The following EIF4G1 variants were observed in gnomAD, a reference collection of about 807,000 sequenced individuals.
The protein encoded by EIF4G1 is eukaryotic translation initiation factor 4 gamma 1, also known as EIF4-gamma.
Under a neutral mutation model 187.8 loss-of-function variants are expected in EIF4G1, and 4 were observed. The ratio of observed to expected loss-of-function variants is 0.02; its 90% CI spans 0.01 to 0.05. EIF4G1 has a LOEUF of 0.05. Among genes scored for constraint, EIF4G1 ranks in the 10% least tolerant of loss-of-function variants. EIF4G1 has a pLI of 1.00. For missense variants in EIF4G1, 1,647 were observed against 2,081.1 expected, an observed-to-expected ratio of 0.79 and a Z score of 4.06; for synonymous variants, 844 against 781.4, an observed-to-expected ratio of 1.08 and a Z score of -1.34.
chr3:184,315,971 T>C, intron 3 of EIF4G1, 115 bp downstream of exon 3: 1 of 1,513,318 alleles, frequency 6.6e-7, no homozygotes, highest in African/African-American at 1.4e-5. Flanking sequence ...TGCTGCCAAA[T>C]TGAGACAGGG....
intron 27 of EIF4G1, 48 bp downstream of exon 27, chr3:184,328,804 G>T (rs1410258203): frequency 1.2e-6 from 2 of 1,614,032 alleles, no homozygotes; most frequent in African/African-American, 2.7e-5. Context: ...CCAGAGGAAA[G>T]GTGGTAGGGA....
chr3:184,324,401 C>T (rs1724459263), intron 17 of EIF4G1, 54 bp downstream of exon 17: 1 of 1,612,148 alleles, frequency 6.2e-7, no homozygotes, highest in Non-Finnish European at 8.5e-7. Context: ...TTCCCTTACC[C>T]AGATGCTACT....
At chr3:184,318,299 A>C (rs1051056066) in intron 6 of EIF4G1, among the ~76,000 whole-genome samples, 4 of 152,250 alleles carry the variant, frequency 2.6e-5, no homozygotes. Context: ...AAACAAATAC[A>C]CTTGTGCTTG....
chr3:184,331,758 A>G lies in EIF4G1; in HGVS notation c.4426A>G (p.Asn1476Asp), dbSNP rs1250352569. Residue 1476 changes from asparagine to aspartate, a missense_variant, in exon 31 of 33, where the codon AAC (asparagine) becomes GAC (aspartate). Asn to Asp is a conservative substitution (Grantham distance 23, BLOSUM62 1). This residue lies in a region of EIF4G1 where 543 missense variants were observed against 638.0 expected (regional missense o/e 0.85). Transcript: ENST00000346169. ...ANLSEQQIVS[N>D]TLVRALMTAV... ...CCTGAGTGAGCAGCAGATAGTATCCAACACGTTAGTTCGAGCCCTCATGAC... is the reference window on the plus strand; with the variant it reads ...CCTGAGTGAGCAGCAGATAGTATCCGACACGTTAGTTCGAGCCCTCATGAC... The G allele has an allele frequency of 1.2e-6, 2 of 1,614,216 alleles. No individual in the cohort carries two copies. Among genetic ancestry groups the G allele is most frequent in the South Asian group, 1.1e-5 (1 of 91,088 alleles).
At chr3:184,319,576 AG>A in intron 6 of EIF4G1, 112 bp from the exon 7 acceptor site, 1 of 745,904 alleles carries the variant, frequency 1.3e-6, no homozygotes. Context: ...GGGCAAGGCA[AG>A]GGGCCGGCTG....
rs1337718935 is a variant in EIF4G1, at chr3:184,323,374, A to G, written c.2089-34A>G. The G allele has an allele frequency of 8.7e-6, 14 of 1,613,766 alleles. No homozygotes were observed. In the East Asian group the frequency reaches 1.8e-4, roughly 21 times the overall value. On this transcript the variant is annotated intron_variant, in intron 14 of 32. Coordinates refer to ENST00000346169, the MANE Select transcript of EIF4G1 (RefSeq NM_198241.3). The surrounding 1 kb of genome is among the most constrained non-coding windows in gnomAD (Gnocchi z 6.9). Reference sequence around the variant, plus strand: ...GTCACATATTGTGCTGACTAGTTCCATGTCCCCTCTTGTCTTCATCCCTTG... The same window carrying G: ...GTCACATATTGTGCTGACTAGTTCCGTGTCCCCTCTTGTCTTCATCCCTTG...
chr3:184,316,794 T>G, intron 4 of EIF4G1: 2 of 1,540,378 alleles, frequency 1.3e-6, no homozygotes, highest in Admixed American at 1.7e-5. Context: ...TCCACCCTAG[T>G]CAGGGGCTAG....
intron 28 of EIF4G1, among the ~76,000 whole-genome samples, chr3:184,330,242 G>T (rs1725784435): frequency 6.6e-6 from 1 of 152,130 alleles, no homozygotes; most frequent in African/African-American, 2.4e-5. Context: ...AGCTGGACAT[G>T]GTGGTGCGCA....
rs1723934322 is a variant in EIF4G1, at chr3:184,321,780, A to G, written c.1196A>G (p.Gln399Arg). ...ESPVPIAPTA[Q>R]PEELLNGAPS... ...CCTGTGCCCATTGCTCCAACTGCCC[A>G]ACCTGAGGAACTGCTCAACGGAGCC... The change falls in exon 10 of 33, where the codon CAA (glutamine) becomes CGA (arginine). Residue 399 changes from glutamine to arginine, a missense_variant. By Grantham distance (43) the Gln-to-Arg change is conservative. Around this residue, in one of 11 missense-constraint regions of EIF4G1, gnomAD observed 522 missense variants for 485.2 expected, o/e 1.08. Coordinates refer to ENST00000346169, the MANE Select transcript of EIF4G1 (RefSeq NM_198241.3). 1 of 1,610,634 alleles carries G rather than the reference A, an allele frequency of 6.2e-7. No homozygotes were observed. The highest frequency in any genetic ancestry group is 8.5e-7 in the Non-Finnish European group (1 of 1,177,228).
intron 32 of EIF4G1, among the ~76,000 whole-genome samples, chr3:184,333,244 G>A (rs1261260602): frequency 3.3e-5 from 5 of 152,188 alleles, no homozygotes; most frequent in African/African-American, 1.2e-4. Flanking sequence ...TCATTTGCTG[G>A]GGTAGGCAAC....
rs1246952555 is a variant in EIF4G1 at position 184,335,118 on chromosome 3, T to TG, written c.*214dup. The TG allele has an allele frequency of 8.1e-6, 5 of 618,202 alleles. No homozygotes were observed. Among genetic ancestry groups the TG allele is most frequent in the Non-Finnish European group, 1.4e-5 (5 of 351,836 alleles). The allele number at this position is 618,202 out of a possible 1,614,324, so 38.3% of individuals were successfully genotyped here. ...CCGCCAGGTGTCCCTCTCCTCCCCCTGGGGCACAGAGATATATTATATATA... is the reference window on the plus strand; with the variant it reads ...CCGCCAGGTGTCCCTCTCCTCCCCCTGGGGGCACAGAGATATATTATATATA... On this transcript the variant is annotated 3_prime_UTR_variant, in exon 33 of 33. Transcript: ENST00000346169.
Position 184,327,271 on chromosome 3 carries a change from G to C in EIF4G1, c.3484G>C (p.Glu1162Gln), listed in dbSNP as rs766729459. 2 of 1,613,722 alleles carry C rather than the reference G, an allele frequency of 1.2e-6. No homozygotes were observed. The highest frequency in any genetic ancestry group is 1.3e-5 in the African/African-American group (1 of 75,074). The change falls in exon 24 of 33, where the codon GAG (glutamate) becomes CAG (glutamine). Residue 1162 changes from glutamate to glutamine, a missense_variant. Transcript: ENST00000346169. ...EKAGDRGDRL[E>Q]RSERGGDRGD... ...AGCTGGAGACCGAGGAGACCGCCTA[G>C]AGCGGAGTGAACGGGGAGGGGACCG...
At position 184,321,802 on chromosome 3, in the gene EIF4G1, A is replaced by G. The variant is rs1723936684; in HGVS notation, c.1218A>G (p.Gly406=). The G allele has an allele frequency of 6.2e-7, 1 of 1,613,572 alleles. No homozygotes were observed. Among genetic ancestry groups the G allele is most frequent in the African/African-American group, 1.3e-5 (1 of 74,870 alleles). The stretch of plus-strand genomic sequence containing the variant: ...CCCAACCTGAGGAACTGCTCAACGG[A>G]GCCCCCTCGCCACCAGCTGTGGACT... The part of the protein sequence containing the change: ...PTAQPEELLN[G]APSPPAVDLS... Residue 406 remains glycine, a synonymous_variant, in exon 10 of 33, where the codon GGA becomes GGG. Coordinates refer to ENST00000346169, the MANE Select transcript of EIF4G1 (RefSeq NM_198241.3).
At position 184,325,427 on chromosome 3, in the gene EIF4G1, T is replaced by C. The variant is rs114930389; in HGVS notation, c.2962-53T>C. 3.5e-3 allele frequency: 5,639 copies of C among 1,614,170 alleles called. 163 individuals carry two copies. The African/African-American group carries it at 0.064, about 18-fold the overall frequency. Reference sequence around the variant, plus strand: ...GCCTGCTGCCTCCAGTTTCTGACACTGCCTTGTCTTGCCTTCCCTGACATC... The same window carrying C: ...GCCTGCTGCCTCCAGTTTCTGACACCGCCTTGTCTTGCCTTCCCTGACATC... On this transcript the variant is annotated intron_variant, in intron 19 of 32. Coordinates refer to ENST00000346169, the MANE Select transcript of EIF4G1 (RefSeq NM_198241.3). This position sits in a 1 kb window ranked among gnomAD's most constrained non-coding sequence, Gnocchi z 5.2.
rs1560214482 is a variant in EIF4G1 at position 184,321,941 on chromosome 3, C to G, written c.1357C>G (p.Gln453Glu). 1.9e-6 allele frequency: 3 copies of G among 1,613,910 alleles called. No homozygotes were observed. The African/African-American group carries it at 4.0e-5, about 22-fold the overall frequency. Residue 453 changes from glutamine to glutamate, a missense_variant, in exon 10 of 33, where the codon CAG becomes GAG. Gln to Glu is a conservative substitution (Grantham distance 29). This residue lies in a region of EIF4G1 where 522 missense variants were observed against 485.2 expected (regional missense o/e 1.08). Coordinates refer to ENST00000346169, the MANE Select transcript of EIF4G1 (RefSeq NM_198241.3). ...ATAPSATSPA[Q>E]EEEMEEEEEE... ...GGCTCCTTCAGCTACTTCCCCAGCT[C>G]AGGAGGAGGAAATGGAAGAAGAAGA...
intron 26 of EIF4G1, 98 bp downstream of exon 26, chr3:184,328,100 C>T (rs575651323): frequency 2.8e-6 from 4 of 1,437,018 alleles, no homozygotes; most frequent in African/African-American, 1.4e-5. Context: ...TGTAGGTTCC[C>T]TGGCCGGGTG....
In EIF4G1 at chr3:184,325,971, T is replaced by A. The variant is rs1724805042; in HGVS notation, c.3222+20T>A. 6.2e-7 allele frequency: 1 copy of A among 1,611,470 alleles called. No individual in the cohort carries two copies. The highest frequency in any genetic ancestry group is 8.5e-7 in the Non-Finnish European group (1 of 1,178,266). ...ACCAAGGTAGGGGTGTGTGTGGGAG[T>A]GGGTGATTCAGCTCAGGTTTAGATC... On this transcript the variant is annotated intron_variant, in intron 21 of 32. Transcript: ENST00000346169. This position sits in a 1 kb window ranked among gnomAD's most constrained non-coding sequence, Gnocchi z 5.2.
chr3:184,332,731 CTA>C (rs1465096950), intron 32 of EIF4G1, among the ~76,000 whole-genome samples: 1 of 151,898 alleles, frequency 6.6e-6, no homozygotes, highest in African/African-American at 2.4e-5. Flanking sequence ...AGCGAAGGCA[CTA>C]TGTGTGTTCT....
intron 21 of EIF4G1, 100 bp from the exon 22 acceptor site, chr3:184,326,427 G>A: frequency 1.6e-6 from 2 of 1,239,944 alleles, no homozygotes; most frequent in Non-Finnish European, 2.4e-6. Context: ...TCTGACCCCT[G>A]GACTGGGCCA....
Sources: gnomAD v4.1 joint callset for allele counts (sites outside exome capture counted in the v4.1 genomes callset) on GRCh38, gnomAD v4.1.1 for gene constraint, gnomAD v4.1.1 regional missense constraint, Gnocchi (gnomAD v3.1) non-coding constraint, MANE v1.5 for transcripts, NCBI Gene and HGNC (gene_info 2026-07-23, HGNC 2026-07-21) for gene names.